The following GLIPR1 variants were observed in gnomAD, a reference collection of about 807,000 sequenced individuals.
GLIPR1 encodes GLI pathogenesis related 1.
Under a neutral mutation model 30.3 loss-of-function variants are expected in GLIPR1, and 38 were observed. The observed-to-expected ratio is 1.26, with a 90% confidence interval of 0.97 to 1.65. The LOEUF (loss-of-function observed/expected upper bound fraction) is 1.65. Among genes scored for constraint, GLIPR1 ranks in the 40% most tolerant of loss-of-function variants. The probability of loss-of-function intolerance (pLI) is 0.00; values close to 1 mark genes in which losing one functional copy is unlikely to be tolerated. For synonymous variants in GLIPR1, 122 were observed against 110.6 expected, an observed-to-expected ratio of 1.10 and a Z score of -0.65; for missense variants, 285 against 326.5, an observed-to-expected ratio of 0.87 and a Z score of 0.98.
chr12:75,501,808 TTG>T lies in GLIPR1; in HGVS notation c.*2832_*2833del. The stretch of plus-strand genomic sequence containing the variant: ...CTTGTCTCTTACTGATGGCTTCTGC[TTG>T]TTTAGCCTACATTAATAAATAAAAA... On this transcript the variant is annotated 3_prime_UTR_variant, in exon 6 of 6. Transcript: ENST00000266659. 6.2e-7 allele frequency: 1 copy of T among 1,606,502 alleles called. No individual in the cohort carries two copies. Among genetic ancestry groups the T allele is most frequent in the Non-Finnish European group, 8.5e-7 (1 of 1,175,706 alleles).
In GLIPR1 at chr12:75,503,634, C is replaced by A; in HGVS notation, c.*4656C>A. ...AAAAGAGTATTGCAGACTAAACGAA[C>A]TTTTATCCATGGAACATTTACAGTG... On this transcript the variant is annotated 3_prime_UTR_variant, in exon 6 of 6. Transcript: ENST00000266659. 3.7e-6 allele frequency: 1 copy of A among 267,344 alleles called. No homozygotes were observed. Among genetic ancestry groups the A allele is most frequent in the Non-Finnish European group, 7.0e-6 (1 of 142,310 alleles). The allele number at this position is 267,344 out of a possible 1,614,324, so 16.6% of individuals were successfully genotyped here.
chr12:75,490,665 A>C, intron 3 of GLIPR1, 147 bp downstream of exon 3: 1 of 560,840 alleles, frequency 1.8e-6, no homozygotes, highest in South Asian at 2.1e-5. Context: ...ATAACCTTTA[A>C]TTCTTCTGCC....
At chr12:75,493,249 T>C (rs1166508971) in intron 3 of GLIPR1, 1 of 152,176 alleles carries the variant, frequency 6.6e-6, no homozygotes, top group Non-Finnish European at 1.5e-5. Context: ...TAGAGGAGCA[T>C]AAAAGGTAAA....
intron 3 of GLIPR1, chr12:75,493,872 C>CTTAT (rs1358072603): frequency 6.6e-6 from 1 of 152,132 alleles, no homozygotes; most frequent in Non-Finnish European, 1.5e-5. Context: ...TGGTTTTTAG[C>CTTAT]TTATTTTTAA....
chr12:75,498,427 A>G (rs2046365335), intron 4 of GLIPR1: 1 of 321,106 alleles, frequency 3.1e-6, no homozygotes, highest in Non-Finnish European at 5.6e-6. Flanking sequence ...CCTGCTAGGT[A>G]TGATGTGTAA....
At chr12:75,494,860 A>G (rs2046341392) in intron 3 of GLIPR1, 1 of 152,226 alleles carries the variant, frequency 6.6e-6, no homozygotes, top group African/African-American at 2.4e-5. Context: ...TCTGTGACTC[A>G]GCCTCTAGCT....
chr12:75,486,224 T>A (rs535995344), intron 2 of GLIPR1, among the ~76,000 whole-genome samples: 15 of 152,330 alleles, frequency 9.8e-5, no homozygotes, highest in African/African-American at 3.6e-4. Context: ...AAATGCTTAA[T>A]GATACACCTA....
At chr12:75,495,534 AAAC>A in intron 3 of GLIPR1, 40 bp from the exon 4 acceptor site, 1 of 1,165,884 alleles carries the variant, frequency 8.6e-7, no homozygotes, top group Non-Finnish European at 1.3e-6. Flanking sequence ...CAATTTTAAA[AAAC>A]CGAAAAACTT....
chr12:75,481,329 T>C, intron 1 of GLIPR1: 1 of 284,770 alleles, frequency 3.5e-6, no homozygotes, highest in Non-Finnish European at 6.5e-6. Context: ...GTTATCTTCC[T>C]CCCTGTTAAT....
At position 75,502,637 on chromosome 12, in the gene GLIPR1, T is replaced by C. The variant is rs1432037174; in HGVS notation, c.*3659T>C. ...AATCCTCACTAACAATTCTTTAAGA[T>C]AGGTATTACCATTACTCCCACTTTA... On this transcript the variant is annotated 3_prime_UTR_variant, in exon 6 of 6. Transcript: ENST00000266659. 2.0e-5 allele frequency: 3 copies of C among 152,076 alleles called. No individual in the cohort carries two copies. In the South Asian group the frequency reaches 6.2e-4, roughly 31 times the overall value. 9.4% of individuals were successfully genotyped at this position (152,076 alleles called of 1,614,324 possible).
At chr12:75,485,603 T>G (rs1348029104) in intron 2 of GLIPR1, among the ~76,000 whole-genome samples, 1 of 149,286 alleles carries the variant, frequency 6.7e-6, no homozygotes, top group Non-Finnish European at 1.5e-5. Context: ...CAGGCTGGAG[T>G]GCAGTGGCGG....
intron 4 of GLIPR1, chr12:75,497,894 A>G (rs2046360943): frequency 7.9e-6 from 1 of 127,118 alleles, no homozygotes; most frequent in African/African-American, 2.6e-5. Flanking sequence ...AAAAATATAT[A>G]TAAAAAAAAA....
intron 4 of GLIPR1, chr12:75,497,460 T>C (rs1013030271): frequency 2.6e-5 from 4 of 152,242 alleles, no homozygotes; most frequent in Non-Finnish European, 4.4e-5. Flanking sequence ...ATCTTACAGA[T>C]TGATCTTGTC....
At position 75,502,879 on chromosome 12, in the gene GLIPR1, AAC is replaced by A. The variant is rs2046404318; in HGVS notation, c.*3902_*3903del. On this transcript the variant is annotated 3_prime_UTR_variant, in exon 6 of 6. Coordinates refer to ENST00000266659, the MANE Select transcript of GLIPR1 (RefSeq NM_006851.3). Reference sequence around the variant, plus strand: ...GACTGCATCACTCCACTTTCCCCCTAACTACTATCAATTTCCTCCATGATCCA... The same window carrying A: ...GACTGCATCACTCCACTTTCCCCCTATACTATCAATTTCCTCCATGATCCA... The A allele has an allele frequency of 1.3e-5, 2 of 151,968 alleles. No individual in the cohort carries two copies. The highest frequency in any genetic ancestry group is 2.9e-5 in the Non-Finnish European group (2 of 67,920). 9.4% of individuals were successfully genotyped at this position (151,968 alleles called of 1,614,324 possible).
intron 2 of GLIPR1, among the ~76,000 whole-genome samples, chr12:75,487,065 G>C (rs2046296900): frequency 6.6e-6 from 1 of 152,126 alleles, no homozygotes; most frequent in African/African-American, 2.4e-5. Context: ...TATTAAAATG[G>C]GGAAGGGATC....
Position 75,500,174 on chromosome 12 carries a change from ATAT to A in GLIPR1, c.*1199_*1201del, listed in dbSNP as rs1238827467. On this transcript the variant is annotated 3_prime_UTR_variant, in exon 6 of 6. Transcript: ENST00000266659. ...TAAAACAAATCATAAAATACTTTAT[ATAT>A]TAGTACAAGTATACATAAAAATGGC... 6.1e-6 allele frequency: 2 copies of A among 330,038 alleles called. No homozygotes were observed. The highest frequency in any genetic ancestry group is 1.1e-5 in the Non-Finnish European group (2 of 185,464). The allele number at this position is 330,038 out of a possible 1,614,324, so 20.4% of individuals were successfully genotyped here.
At chr12:75,494,824 C>T (rs937219978) in intron 3 of GLIPR1, 2 of 152,160 alleles carry the variant, frequency 1.3e-5, no homozygotes, top group African/African-American at 4.8e-5. Flanking sequence ...ACTTTCTAGT[C>T]TGTGACCTTG....
At chr12:75,481,715 C>T (rs954146709) in intron 1 of GLIPR1, 119 bp from the exon 2 acceptor site, 3 of 823,044 alleles carry the variant, frequency 3.6e-6, no homozygotes, top group Middle Eastern at 2.5e-4. Flanking sequence ...TTATAGAGGA[C>T]TCATATGCAG....
At chr12:75,491,297 A>G (rs975357772) in intron 3 of GLIPR1, 2 of 152,190 alleles carry the variant, frequency 1.3e-5, no homozygotes, top group Non-Finnish European at 2.9e-5. Context: ...GGCAAATGAG[A>G]ACAGCAAGGC....
Sources: gnomAD v4.1 joint callset for allele counts (sites outside exome capture counted in the v4.1 genomes callset) on GRCh38, gnomAD v4.1.1 for gene constraint, MANE v1.5 for transcripts, NCBI Gene and HGNC (gene_info 2026-07-23, HGNC 2026-07-21) for gene names.